PREP: variants seen among roughly 807,000 people sequenced by gnomAD.
PREP encodes the protein dJ355L5.1 (prolyl endopeptidase).
Under a neutral mutation model 87.6 loss-of-function variants are expected in PREP, and 29 were observed. The observed-to-expected ratio is 0.33, with a 90% CI of 0.25 to 0.45. PREP has a LOEUF of 0.45. PREP is among the 20% of genes least tolerant of loss of function. The probability of loss-of-function intolerance (pLI) is 1.00; values close to 1 mark genes in which losing one functional copy is unlikely to be tolerated. For missense variants in PREP, 695 were observed against 886.5 expected, an observed-to-expected ratio of 0.78 and a Z score of 2.74; for synonymous variants, 337 against 328.6, an observed-to-expected ratio of 1.03 and a Z score of -0.28.
chr6:105,393,497 C>T (rs1773212286), intron 2 of PREP, among the ~76,000 whole-genome samples: 1 of 152,130 alleles, frequency 6.6e-6, no homozygotes, highest in African/African-American at 2.4e-5. Context: ...CAAGGCAACA[C>T]ACAATTCAGT....
At chr6:105,333,013 C>A (rs535249586) in intron 8 of PREP, among the ~76,000 whole-genome samples, 6 of 152,100 alleles carry the variant, frequency 3.9e-5, no homozygotes, top group Non-Finnish European at 7.4e-5. Flanking sequence ...ATGATTATTA[C>A]CAGATATTAA....
In PREP at chr6:105,322,863, T is replaced by C. The variant is rs182776748; in HGVS notation, c.1317+802A>G. Reference sequence around the variant, plus strand: ...AATTGAAGGGTAATTCACCAAGCTATAATAATGCCCTAGTTTCACAGAAAC... The same window carrying C: ...AATTGAAGGGTAATTCACCAAGCTACAATAATGCCCTAGTTTCACAGAAAC... On this transcript the variant is annotated intron_variant, in intron 10 of 14. Transcript: ENST00000652536. 5.1e-6 allele frequency: 6 copies of C among 1,172,648 alleles called. No homozygotes were observed. The East Asian group carries it at 2.9e-4, about 57-fold the overall frequency. 72.6% of individuals were successfully genotyped at this position (1,172,648 alleles called of 1,614,324 possible).
intron 2 of PREP, among the ~76,000 whole-genome samples, chr6:105,383,913 C>T (rs1003251041): frequency 6.6e-6 from 1 of 152,004 alleles, no homozygotes; most frequent in Admixed American, 6.6e-5. Context: ...AATATCTGAT[C>T]GTGAGGACAT....
At chr6:105,316,013 T>C (rs67569210) in intron 10 of PREP, among the ~76,000 whole-genome samples, 21,224 of 152,212 alleles carry the variant, frequency 0.14, 2,607 homozygotes, top group African/African-American at 0.33. Context: ...TAAGGCTGTT[T>C]TGCTTTCTTA....
intron 2 of PREP, 109 bp downstream of exon 2, chr6:105,397,744 T>C (rs1562231125): frequency 2.3e-6 from 2 of 858,874 alleles, no homozygotes; most frequent in South Asian, 1.5e-5. Context: ...CACCATCCCA[T>C]GGCAGAAAAC....
chr6:105,360,646 C>G (rs919336680), intron 6 of PREP, among the ~76,000 whole-genome samples: 8 of 152,146 alleles, frequency 5.3e-5, no homozygotes, highest in Non-Finnish European at 8.8e-5. Context: ...ATATTTTATA[C>G]TTAACTCTAT....
intron 10 of PREP, among the ~76,000 whole-genome samples, chr6:105,304,585 T>C (rs575007341): frequency 1.3e-5 from 2 of 152,294 alleles, no homozygotes; most frequent in East Asian, 3.9e-4. Context: ...TGTGCTCCCA[T>C]GTGTCCCCGT....
At chr6:105,328,309 G>A (rs1473169094) in intron 9 of PREP, among the ~76,000 whole-genome samples, 1 of 151,584 alleles carries the variant, frequency 6.6e-6, no homozygotes, top group Non-Finnish European at 1.5e-5. Context: ...ACAGGCTGGA[G>A]TGCAGTGGCG....
chr6:105,313,207 G>T lies in PREP; in HGVS notation c.1317+10458C>A, dbSNP rs183978193. Among the ~76,000 whole-genome samples the T allele has an allele frequency of 1.4e-3, 220 of 152,168 alleles. 1 individual carries two copies. Among genetic ancestry groups the T allele is most frequent in the Non-Finnish European group, 1.5e-3 (102 of 68,024 alleles). ...TCACAGACCAATGACAGTAATGCCA[G>T]TAATGGTTTTTCCTTTAGGGAGATA... On this transcript the variant is annotated intron_variant, in intron 10 of 14. Coordinates refer to ENST00000652536, the MANE Select transcript of PREP (RefSeq NM_002726.5).
At chr6:105,318,976 A>T (rs1770939947) in intron 10 of PREP, among the ~76,000 whole-genome samples, 1 of 152,214 alleles carries the variant, frequency 6.6e-6, no homozygotes, top group Non-Finnish European at 1.5e-5. Context: ...TTTGAATGGC[A>T]AAGCCTATAT....
At position 105,402,772 on chromosome 6, in the gene PREP, G is replaced by T. The variant is rs567035345; in HGVS notation, c.45+75C>A. ...GGGTCGAAGGCCTACAGGAAGAGGAGCTGCGGGTGCCACGGGTCAGGCAGG... is the reference window on the plus strand; with the variant it reads ...GGGTCGAAGGCCTACAGGAAGAGGATCTGCGGGTGCCACGGGTCAGGCAGG... On this transcript the variant is annotated intron_variant, in intron 1 of 14. Coordinates refer to ENST00000652536, the MANE Select transcript of PREP (RefSeq NM_002726.5). The T allele has an allele frequency of 2.9e-6, 4 of 1,376,204 alleles. 1 individual carries two copies. The Admixed American group carries it at 8.4e-5, about 29-fold the overall frequency. The allele number at this position is 1,376,204 out of a possible 1,614,324, so 85.2% of individuals were successfully genotyped here. A position where few individuals can be genotyped will look rare whatever the true frequency, so the allele number is the denominator to read the frequency against.
At chr6:105,342,534 G>A (rs1332251395) in intron 7 of PREP, among the ~76,000 whole-genome samples, 1 of 152,160 alleles carries the variant, frequency 6.6e-6, no homozygotes. Flanking sequence ...TCTGGCCAGG[G>A]CAATCAGGCA....
intron 10 of PREP, among the ~76,000 whole-genome samples, chr6:105,291,985 G>A (rs1160847756): frequency 6.6e-6 from 1 of 152,168 alleles, no homozygotes; most frequent in Non-Finnish European, 1.5e-5. Context: ...TGAGATTTCA[G>A]CAGTTCAATC....
At chr6:105,306,270 G>A in intron 10 of PREP, among the ~76,000 whole-genome samples, 1 of 152,186 alleles carries the variant, frequency 6.6e-6, no homozygotes, top group East Asian at 1.9e-4. Context: ...CGGCATTCAG[G>A]ATGGTGGATG....
chr6:105,310,895 C>A lies in PREP; in HGVS notation c.1317+12770G>T, dbSNP rs1008799020. ...TTTAACATGTACCACAAACTTAACACGTCCAAAATATTTATCCTCCTAATC... is the reference window on the plus strand; with the variant it reads ...TTTAACATGTACCACAAACTTAACAAGTCCAAAATATTTATCCTCCTAATC... On this transcript the variant is annotated intron_variant, in intron 10 of 14. Transcript: ENST00000652536. 2.2e-4 allele frequency among the ~76,000 whole-genome samples: 33 copies of A among 152,302 alleles called. 1 individual carries two copies. The Middle Eastern group carries it at 0.014, about 63-fold the overall frequency.
intron 10 of PREP, among the ~76,000 whole-genome samples, chr6:105,294,804 T>G (rs533509788): frequency 2.0e-4 from 30 of 152,336 alleles, no homozygotes; most frequent in Non-Finnish European, 3.7e-4. Flanking sequence ...TGTCATTTCC[T>G]TACCCCTGGA....
rs1244738549 is a variant in PREP, at chr6:105,329,242, TC to T, written c.1016-217del. Among the ~76,000 whole-genome samples, 6 of 151,716 alleles carry T rather than the reference TC, an allele frequency of 4.0e-5. No homozygotes were observed. The South Asian group carries it at 1.0e-3, about 26-fold the overall frequency. On this transcript the variant is annotated intron_variant, in intron 8 of 14. Transcript: ENST00000652536. ...ATCTCAGCTCACTGCAACCTCTACC[TC>T]CCAGGTTCAAGGGATTTTCCTGCCT...
rs1221232312 is a variant in PREP, at chr6:105,334,954, T to C, written c.824-1449A>G. On this transcript the variant is annotated intron_variant, in intron 7 of 14. Coordinates refer to ENST00000652536, the MANE Select transcript of PREP (RefSeq NM_002726.5). ...GCTTATTTTTTGTCTTTTCATTCAC[T>C]GTTTCACACTTGGCACAAAACTGAG... Among the ~76,000 whole-genome samples the C allele has an allele frequency of 2.0e-5, 3 of 152,216 alleles. No homozygotes were observed. In the East Asian group the frequency reaches 5.8e-4, roughly 29 times the overall value.
At chr6:105,372,977 T>C (rs1772596717) in intron 5 of PREP, among the ~76,000 whole-genome samples, 1 of 152,190 alleles carries the variant, frequency 6.6e-6, no homozygotes, top group African/African-American at 2.4e-5. Context: ...GTCATTCAGC[T>C]CCCCGTCTTG....
Sources: gnomAD v4.1 joint callset for allele counts (sites outside exome capture counted in the v4.1 genomes callset) on GRCh38, gnomAD v4.1.1 for gene constraint, MANE v1.5 for transcripts, NCBI Gene and HGNC (gene_info 2026-07-23, HGNC 2026-07-21) for gene names.